Variants in C10orf143 observed in about 807,000 individuals in gnomAD.
C10orf143 encodes the protein uncharacterized protein C10orf143.
At chr10:130,069,271 C>A (rs1860991383) in intron 3 of C10orf143, among the ~76,000 whole-genome samples, 1 of 152,170 alleles carries the variant, frequency 6.6e-6, no homozygotes, top group East Asian at 1.9e-4. Context: ...ACTGTCAGCA[C>A]CTGTTACTCT....
intron 4 of C10orf143, among the ~76,000 whole-genome samples, chr10:130,035,513 A>G (rs1039321274): frequency 2.0e-5 from 3 of 152,230 alleles, no homozygotes; most frequent in Admixed American, 2.0e-4. Flanking sequence ...AAAGGCTGCA[A>G]AGGGGTGCAG....
intron 1 of C10orf143, among the ~76,000 whole-genome samples, chr10:130,096,205 TG>T (rs1861458820): frequency 6.6e-6 from 1 of 152,138 alleles, no homozygotes; most frequent in Admixed American, 6.5e-5. Flanking sequence ...TCATCATCAC[TG>T]GTCATTAGAG....
Position 130,044,612 on chromosome 10 carries a change from G to A in C10orf143, c.298-8642C>T, listed in dbSNP as rs74585307. ...GGGCTACAAAGTGCACCCAGCTGCA[G>A]ATGAGCAAAGTCAGGGAAAGGGATG... is the stretch of plus-strand genomic sequence containing the variant. On this transcript the variant is annotated intron_variant and NMD_transcript_variant, in intron 3 of 5. Transcript: ENST00000643056. Among the ~76,000 whole-genome samples, 29 of 152,328 alleles carry A rather than the reference G, an allele frequency of 1.9e-4. No individual in the cohort carries two copies. In the East Asian group the frequency reaches 4.4e-3, roughly 23 times the overall value.
downstream of C10orf143, among the ~76,000 whole-genome samples, chr10:130,059,014 C>A (rs1453880138): frequency 6.6e-6 from 1 of 152,046 alleles, no homozygotes; most frequent in Non-Finnish European, 1.5e-5. Context: ...AGAAACTACA[C>A]CATGTATGAT....
chr10:130,066,244 G>A (rs1173437376), intron 3 of C10orf143: 1 of 147,380 alleles, frequency 6.8e-6, no homozygotes, highest in Non-Finnish European at 1.5e-5. Flanking sequence ...CTGGAGTGCA[G>A]TGTCACAATG....
chr10:130,055,167 A>T (rs1860781513), intron 3 of C10orf143, among the ~76,000 whole-genome samples: 1 of 152,218 alleles, frequency 6.6e-6, no homozygotes, highest in East Asian at 1.9e-4. Context: ...CTCCCAGAAA[A>T]AAAACAGAGA....
At chr10:130,102,618 A>C (rs1554950126) in intron 1 of C10orf143, among the ~76,000 whole-genome samples, 2 of 152,166 alleles carry the variant, frequency 1.3e-5, no homozygotes, top group Non-Finnish European at 1.5e-5. Context: ...TTTTCTTCAT[A>C]TATCTATCAA....
chr10:130,103,109 G>T (rs1861585670), intron 1 of C10orf143, among the ~76,000 whole-genome samples: 1 of 151,818 alleles, frequency 6.6e-6, no homozygotes, highest in African/African-American at 2.4e-5. Flanking sequence ...CTCCCAAGTA[G>T]CTGAGATTAC....
intron 1 of C10orf143, among the ~76,000 whole-genome samples, chr10:130,110,429 G>C: frequency 6.6e-6 from 1 of 152,220 alleles, no homozygotes; most frequent in Non-Finnish European, 1.5e-5. Flanking sequence ...GGGAGCCTGG[G>C]TCTGGAGCCC....
chr10:130,063,234 C>T (rs186654347), downstream of C10orf143, among the ~76,000 whole-genome samples: 2 of 152,236 alleles, frequency 1.3e-5, no homozygotes, highest in African/African-American at 4.8e-5. Context: ...TCTCCATGAA[C>T]GAGGGTGAGA....
intron 1 of C10orf143, among the ~76,000 whole-genome samples, chr10:130,098,855 G>T (rs777576218): frequency 6.6e-6 from 1 of 152,204 alleles, no homozygotes; most frequent in Non-Finnish European, 1.5e-5. Flanking sequence ...GGGAGGCCGA[G>T]GTGGGTGGAT....
chr10:130,071,486 T>C (rs1361653831), intron 3 of C10orf143, among the ~76,000 whole-genome samples: 1 of 152,262 alleles, frequency 6.6e-6, no homozygotes. Flanking sequence ...TGCCCATTTA[T>C]TTACTGGACT....
Position 130,106,510 on chromosome 10 carries a change from G to C in C10orf143, c.69+4194C>G, listed in dbSNP as rs756893473. The C allele has an allele frequency of 1.7e-4, 265 of 1,600,916 alleles. 1 individual carries two copies. The highest frequency in any genetic ancestry group is 3.3e-5 in the South Asian group (3 of 90,906). ...GTCTAGAAAAAGAGTTAAAAGAAGAGAAATCTAAACATTCGCAACAAAATG... is the reference window on the plus strand; with the variant it reads ...GTCTAGAAAAAGAGTTAAAAGAAGACAAATCTAAACATTCGCAACAAAATG... On this transcript the variant is annotated intron_variant, in intron 1 of 3. Transcript: ENST00000637128.
Position 130,107,657 on chromosome 10 carries a change from CTGT to C in C10orf143, c.69+3044_69+3046del, listed in dbSNP as rs534745379. Reference sequence around the variant, plus strand: ...GAGAGCTTTTCTCTCTCCCGCAACTCTGTTGGAGGGTCCACTCAGACTCTCACC... The same window carrying C: ...GAGAGCTTTTCTCTCTCCCGCAACTCTGGAGGGTCCACTCAGACTCTCACC... On this transcript the variant is annotated intron_variant, in intron 1 of 3. Coordinates refer to ENST00000637128, the MANE Select transcript of C10orf143 (RefSeq NM_001355042.2). 8.1e-5 allele frequency: 107 copies of C among 1,317,748 alleles called. No individual in the cohort carries two copies. The East Asian group carries it at 2.1e-3, about 25-fold the overall frequency. 81.6% of individuals were successfully genotyped at this position (1,317,748 alleles called of 1,614,324 possible).
chr10:130,066,337 G>GC (rs1860934744), intron 3 of C10orf143: 1 of 151,336 alleles, frequency 6.6e-6, no homozygotes, highest in African/African-American at 2.4e-5. Flanking sequence ...GCAGGTGCTT[G>GC]CCGCCACACC....
At chr10:130,082,442 T>C (rs1298544375) in intron 1 of C10orf143, among the ~76,000 whole-genome samples, 1 of 152,190 alleles carries the variant, frequency 6.6e-6, no homozygotes, top group African/African-American at 2.4e-5. Flanking sequence ...TTGTAGCTCC[T>C]ATAATTCCCA....
intron 1 of C10orf143, among the ~76,000 whole-genome samples, chr10:130,090,077 A>G (rs1351806669): frequency 3.3e-5 from 5 of 152,340 alleles, no homozygotes; most frequent in Middle Eastern, 3.4e-3. Context: ...TCAATATTCA[A>G]AGGTTTGGGG....
intron 3 of C10orf143, among the ~76,000 whole-genome samples, chr10:130,040,830 G>GA (rs35399028): frequency 0.14 from 19,747 of 141,492 alleles, 1,336 homozygotes; most frequent in Middle Eastern, 0.23. Context: ...CTCAAAAAAA[G>GA]AAAAAAAAAA....
intron 1 of C10orf143, among the ~76,000 whole-genome samples, chr10:130,091,711 C>T (rs1325341618): frequency 6.6e-6 from 1 of 152,080 alleles, no homozygotes; most frequent in African/African-American, 2.4e-5. Flanking sequence ...CCAGTTTAGA[C>T]AATAACATAA....
Sources: gnomAD v4.1 joint callset for allele counts (sites outside exome capture counted in the v4.1 genomes callset) on GRCh38, gnomAD v4.1.1 for gene constraint, MANE v1.5 for transcripts, NCBI Gene and HGNC (gene_info 2026-07-23, HGNC 2026-07-21) for gene names.